NHSL1: variants seen among roughly 807,000 people sequenced by gnomAD.
NHSL1 encodes NHS-like protein 1.
In NHSL1, 48 loss-of-function variants were observed where a neutral mutation model predicts 95.0. The ratio of observed to expected loss-of-function variants is 0.51; its 90% CI spans 0.40 to 0.64. NHSL1 has a LOEUF of 0.64. NHSL1 is among the 30% of genes least tolerant of loss of function. The pLI is 0.00. For synonymous variants in NHSL1, 783 were observed against 833.9 expected (o/e 0.94, Z 1.05); for missense variants, 1,971 against 2,077.7 (o/e 0.95, Z 1.00).
At position 138,479,019 on chromosome 6, in the gene NHSL1, T is replaced by G. The variant is rs568987982; in HGVS notation, c.212-5586A>C. Among the ~76,000 whole-genome samples, 152 of 152,346 alleles carry G rather than the reference T, an allele frequency of 1.0e-3. 1 individual carries two copies. The highest frequency in any genetic ancestry group is 3.4e-3 in the Middle Eastern group (1 of 294). On this transcript the variant is annotated intron_variant, in intron 2 of 7. Transcript: ENST00000343505. Reference sequence around the variant, plus strand: ...CAAATCTCTATGCATTAAGCTATTCTTTAGTCATTCAATTTTTAATATAGT... The same window carrying G: ...CAAATCTCTATGCATTAAGCTATTCGTTAGTCATTCAATTTTTAATATAGT...
intron 1 of NHSL1, among the ~76,000 whole-genome samples, chr6:138,554,645 T>A (rs185411054): frequency 1.3e-5 from 2 of 152,384 alleles, no homozygotes; most frequent in Admixed American, 1.3e-4. Flanking sequence ...TCTGCATAGA[T>A]AATTGAATAC....
At chr6:138,679,197 C>T (rs556533632) in intron 1 of NHSL1, among the ~76,000 whole-genome samples, 3 of 152,194 alleles carry the variant, frequency 2.0e-5, no homozygotes, top group African/African-American at 7.2e-5. Context: ...CAAAAGCAGG[C>T]AACCACCAAG....
intron 1 of NHSL1, among the ~76,000 whole-genome samples, chr6:138,586,836 C>T (rs1394292355): frequency 6.6e-6 from 1 of 152,154 alleles, no homozygotes; most frequent in African/African-American, 2.4e-5. Flanking sequence ...ACAAACCACA[C>T]AGGATGGGCC....
At chr6:138,434,864 A>G (rs1232847193) in intron 5 of NHSL1, among the ~76,000 whole-genome samples, 1 of 152,196 alleles carries the variant, frequency 6.6e-6, no homozygotes, top group East Asian at 1.9e-4. Flanking sequence ...CAGATAGCAG[A>G]GGGTAGTACT....
intron 1 of NHSL1, among the ~76,000 whole-genome samples, chr6:138,610,329 G>A (rs1031851472): frequency 6.6e-6 from 1 of 151,942 alleles, no homozygotes. Context: ...TCATAGGTGG[G>A]AATTGAACAA....
chr6:138,547,343 A>AG (rs1782838917), upstream of NHSL1, among the ~76,000 whole-genome samples: 1 of 143,618 alleles, frequency 7.0e-6, no homozygotes. Context: ...AAAAAAAAAA[A>AG]CTGCATGGGG....
chr6:138,574,903 T>C (rs1030932056), upstream of NHSL1, among the ~76,000 whole-genome samples: 4 of 145,234 alleles, frequency 2.8e-5, no homozygotes, highest in Admixed American at 2.0e-4. Context: ...ACCTTGTGTG[T>C]TCTTCTTTTT....
chr6:138,552,430 T>G (rs1783043703), intron 1 of NHSL1, among the ~76,000 whole-genome samples: 1 of 152,028 alleles, frequency 6.6e-6, no homozygotes, highest in Non-Finnish European at 1.5e-5. Flanking sequence ...CCAGGAGATA[T>G]ATAGATATCT....
chr6:138,516,199 G>C (rs1431462196), intron 1 of NHSL1, among the ~76,000 whole-genome samples: 1 of 152,188 alleles, frequency 6.6e-6, no homozygotes, highest in African/African-American at 2.4e-5. Context: ...TGGGAAGCAA[G>C]GCATGTAGTG....
chr6:138,461,390 A>G (rs1249308103), intron 3 of NHSL1, among the ~76,000 whole-genome samples: 5 of 152,192 alleles, frequency 3.3e-5, no homozygotes, highest in Admixed American at 2.0e-4. Flanking sequence ...CCCGAGTTAA[A>G]CCAACTTTTA....
At chr6:138,425,053 G>A (rs548846390) in intron 7 of NHSL1, among the ~76,000 whole-genome samples, 20 of 151,894 alleles carry the variant, frequency 1.3e-4, no homozygotes, top group African/African-American at 4.8e-4. Flanking sequence ...AACACAGTAA[G>A]ACCTTATCTC....
rs368115262 is a variant in NHSL1, at chr6:138,538,764, C to T, written c.16+6859G>A. Among the ~76,000 whole-genome samples, 45 of 152,328 alleles carry T rather than the reference C, an allele frequency of 3.0e-4. 1 individual carries two copies. In the South Asian group the frequency reaches 9.3e-3, roughly 32 times the overall value. ...GCTGTCTTGCAAAATTTCACAAGTA[C>T]AAACATATGTTATCATCTGACCTTT... On this transcript the variant is annotated intron_variant, in intron 1 of 4. Transcript: ENST00000342260.
At chr6:138,452,822 T>TC (rs1202189916) in intron 3 of NHSL1, among the ~76,000 whole-genome samples, 2 of 151,186 alleles carry the variant, frequency 1.3e-5, no homozygotes, top group East Asian at 3.9e-4. Context: ...TGTGCATTCT[T>TC]TTTTTTTTCT....
At chr6:138,482,186 C>T (rs776005184) in intron 2 of NHSL1, among the ~76,000 whole-genome samples, 3 of 152,114 alleles carry the variant, frequency 2.0e-5, no homozygotes, top group East Asian at 1.9e-4. Flanking sequence ...TGGTGGCTCA[C>T]GCCTGTAATC....
intron 1 of NHSL1, among the ~76,000 whole-genome samples, chr6:138,651,492 A>G (rs1381369174): frequency 6.6e-6 from 1 of 152,238 alleles, no homozygotes; most frequent in East Asian, 1.9e-4. Flanking sequence ...AAACAACGAA[A>G]CTTCAATGCT....
intron 1 of NHSL1, among the ~76,000 whole-genome samples, chr6:138,591,890 G>A (rs981002506): frequency 2.6e-5 from 4 of 152,090 alleles, no homozygotes; most frequent in African/African-American, 7.2e-5. Context: ...CAGACTACTC[G>A]GTTATCAGAT....
At chr6:138,552,750 G>A (rs1443621670) in intron 1 of NHSL1, among the ~76,000 whole-genome samples, 1 of 152,128 alleles carries the variant, frequency 6.6e-6, no homozygotes, top group African/African-American at 2.4e-5. Context: ...GCCCTTAGCT[G>A]TGGCAAGCTG....
intron 2 of NHSL1, among the ~76,000 whole-genome samples, chr6:138,482,378 G>A (rs374632925): frequency 2.7e-4 from 41 of 150,900 alleles, no homozygotes; most frequent in African/African-American, 7.1e-4. Flanking sequence ...CCCGGGAGGC[G>A]GAGGTTGCAG....
At position 138,459,784 on chromosome 6, in the gene NHSL1, T is replaced by A. The variant is rs115288017; in HGVS notation, c.340-12591A>T. Among the ~76,000 whole-genome samples the A allele has an allele frequency of 9.8e-3, 1,489 of 152,298 alleles. 27 individuals are homozygous for A. The highest frequency in any genetic ancestry group is 0.034 in the African/African-American group (1,422 of 41,568). ...AGAATGGCCATTAAATTCTACCAAA[T>A]AACTTGTCAATATCTACAGTTTTGA... On this transcript the variant is annotated intron_variant, in intron 3 of 7. Coordinates refer to ENST00000343505, the MANE Select transcript of NHSL1 (RefSeq NM_001144060.2).
Sources: gnomAD v4.1 joint callset for allele counts (sites outside exome capture counted in the v4.1 genomes callset) on GRCh38, gnomAD v4.1.1 for gene constraint, MANE v1.5 for transcripts, NCBI Gene and HGNC (gene_info 2026-07-23, HGNC 2026-07-21) for gene names.